Variants in PTP4A2 observed in about 807,000 individuals in gnomAD.
PTP4A2 encodes protein tyrosine phosphatase type IVA 2.
A neutral mutation model predicts 22.9 loss-of-function variants in PTP4A2; 2 were observed. The observed-to-expected ratio is 0.09, with a 90% confidence interval of 0.04 to 0.27. The LOEUF (loss-of-function observed/expected upper bound fraction) is 0.27. Ranked by LOEUF, PTP4A2 falls within the 10% of genes least tolerant of loss-of-function variation. The pLI, the probability that PTP4A2 is intolerant of heterozygous loss-of-function variation, is 1.00. For synonymous variants in PTP4A2, 68 were observed against 69.1 expected (o/e 0.98, Z 0.08); for missense variants, 103 against 205.1 (o/e 0.50, Z 3.04).
Position 31,908,158 on chromosome 1 carries a change from ATATATAT to A in PTP4A2, c.*687_*693del, listed in dbSNP as rs1651314410. 2.5e-4 allele frequency: 1 copy of A among 4,052 alleles called. No individual in the cohort carries two copies. The highest frequency in any genetic ancestry group is 1.2e-3 in the African/African-American group (1 of 822). The allele number at this position is 4,052 out of a possible 1,614,324, so 0.3% of individuals were successfully genotyped here. A position where few individuals can be genotyped will look rare whatever the true frequency, so the allele number is the denominator to read the frequency against. On this transcript the variant is annotated 3_prime_UTR_variant, in exon 6 of 6. Coordinates refer to ENST00000647444, the MANE Select transcript of PTP4A2 (RefSeq NM_080391.4). ...TATTATATTATATATATATATATAT[ATATATAT>A]ATATATATATATATATATATATATA...
rs1651294353 is a variant in PTP4A2, at chr1:31,908,135, TTATATTATATA to T, written c.*706_*716del. 0.016 allele frequency: 65 copies of T among 3,966 alleles called. 21 individuals are homozygous for T. The highest frequency in any genetic ancestry group is 0.024 in the Non-Finnish European group (59 of 2,434). The allele number at this position is 3,966 out of a possible 1,614,324, so 0.2% of individuals were successfully genotyped here. On this transcript the variant is annotated 3_prime_UTR_variant, in exon 6 of 6. Coordinates refer to ENST00000647444, the MANE Select transcript of PTP4A2 (RefSeq NM_080391.4). ...GAAAATATATATATATATATATATA[TTATATTATATA>T]TATATATATATATATATATATATAT... is the stretch of plus-strand genomic sequence containing the variant.
intron 3 of PTP4A2, among the ~76,000 whole-genome samples, chr1:31,912,726 A>AT (rs1651603964): frequency 6.6e-6 from 1 of 152,160 alleles, no homozygotes; most frequent in Non-Finnish European, 1.5e-5. Flanking sequence ...ACTGTTAGGA[A>AT]TTTTTTTAAA....
intron 1 of PTP4A2, among the ~76,000 whole-genome samples, chr1:31,927,410 T>C (rs1652515839): frequency 6.6e-6 from 1 of 152,110 alleles, no homozygotes; most frequent in Non-Finnish European, 1.5e-5. Context: ...GTACTATGCT[T>C]GCTAACTGGT....
At chr1:31,933,101 C>T (rs561141651) in intron 1 of PTP4A2, 1 of 152,280 alleles carries the variant, frequency 6.6e-6, no homozygotes, top group African/African-American at 2.4e-5. Context: ...TCCCAGGCTC[C>T]AGTGATCCTT....
In PTP4A2 at chr1:31,915,957, C is replaced by A; in HGVS notation, c.127G>T (p.Val43Phe). 1 of 1,604,228 alleles carries A rather than the reference C, an allele frequency of 6.2e-7. No individual in the cohort carries two copies. Among genetic ancestry groups the A allele is most frequent in the South Asian group, 1.1e-5 (1 of 89,648 alleles). ...TCATATGTAGCATCACAAACTCGAA[C>A]CAAAGTCGTCACTCCATACTTCTTA... ...ELKKYGVTTLVRVCDATYDKA... is the reference protein window; with the variant it reads ...ELKKYGVTTLFRVCDATYDKA... The change falls in exon 3 of 6, where the codon GTT becomes TTT. Residue 43 changes from valine to phenylalanine, a missense_variant. By Grantham distance (50) the Val-to-Phe change is conservative. Around this residue, in one of 3 missense-constraint regions of PTP4A2, gnomAD observed 66 missense variants for 113.0 expected, o/e 0.58. Transcript: ENST00000647444.
At chr1:31,916,933 T>A (rs924352196) in intron 2 of PTP4A2, among the ~76,000 whole-genome samples, 3 of 152,210 alleles carry the variant, frequency 2.0e-5, no homozygotes, top group African/African-American at 7.2e-5. Flanking sequence ...GAAATAAACA[T>A]GCTTTTTTTA....
At chr1:31,934,289 T>C (rs773057519) in intron 1 of PTP4A2, among the ~76,000 whole-genome samples, 4 of 152,148 alleles carry the variant, frequency 2.6e-5, no homozygotes, top group Non-Finnish European at 5.9e-5. Context: ...AAAAAGACTA[T>C]GGATCCTGAT....
rs1651289798 is a variant in PTP4A2, at chr1:31,908,133, TA to T, written c.*718del. 1 of 348 alleles carries T rather than the reference TA, an allele frequency of 2.9e-3. No homozygotes were observed. Among genetic ancestry groups the T allele is most frequent in the Non-Finnish European group, 5.5e-3 (1 of 182 alleles). The allele number at this position is 348 out of a possible 1,614,324, so 0.0% of individuals were successfully genotyped here. A position where few individuals can be genotyped will look rare whatever the true frequency, so the allele number is the denominator to read the frequency against. On this transcript the variant is annotated 3_prime_UTR_variant, in exon 6 of 6. Transcript: ENST00000647444. ...TGGAAAATATATATATATATATATA[TA>T]TTATATTATATATATATATATATAT...
intron 1 of PTP4A2, chr1:31,921,369 C>A (rs1432927062): frequency 6.6e-6 from 1 of 152,118 alleles, no homozygotes; most frequent in East Asian, 1.9e-4. Flanking sequence ...ATGTATAAAC[C>A]TCATCCTCTC....
At chr1:31,909,886 T>C in intron 5 of PTP4A2, 152 bp downstream of exon 5, 2 of 636,504 alleles carry the variant, frequency 3.1e-6, no homozygotes, top group Non-Finnish European at 5.4e-6. Flanking sequence ...TGAGTCTCTA[T>C]CACTTGCTCT....
chr1:31,923,118 C>T (rs1652270388), intron 1 of PTP4A2, among the ~76,000 whole-genome samples: 1 of 151,666 alleles, frequency 6.6e-6, no homozygotes, highest in African/African-American at 2.4e-5. Context: ...TCACCAAAGG[C>T]CAGGCTGGTC....
rs139979678 is a variant in PTP4A2, at chr1:31,930,294, T to C, written c.-594+7693A>G. On this transcript the variant is annotated intron_variant, in intron 1 of 5. Transcript: ENST00000647444. The stretch of plus-strand genomic sequence containing the variant: ...GGCGGAACCTGCAGTGAGCCGAGAT[T>C]GTGCCACTGCACTCCAACCTGGGCG... 5.1e-3 allele frequency among the ~76,000 whole-genome samples: 782 copies of C among 152,174 alleles called. 33 individuals are homozygous for C. In the East Asian group the frequency reaches 0.1, roughly 20 times the overall value.
At chr1:31,917,499 T>C (rs969004228) in intron 2 of PTP4A2, among the ~76,000 whole-genome samples, 1 of 152,204 alleles carries the variant, frequency 6.6e-6, no homozygotes, top group Non-Finnish European at 1.5e-5. Flanking sequence ...TAGCCATTCA[T>C]TGAAAAGTTG....
At chr1:31,936,285 G>C (rs1204347929) in intron 1 of PTP4A2, among the ~76,000 whole-genome samples, 1 of 151,800 alleles carries the variant, frequency 6.6e-6, no homozygotes, top group Non-Finnish European at 1.5e-5. Flanking sequence ...CTAAAAATAT[G>C]AAAATTAGCC....
intron 1 of PTP4A2, among the ~76,000 whole-genome samples, chr1:31,926,263 G>A (rs979118961): frequency 6.7e-6 from 1 of 149,196 alleles, no homozygotes; most frequent in Non-Finnish European, 1.5e-5. Flanking sequence ...CTCTAATTTG[G>A]TGAGCTACGC....
chr1:31,914,304 T>A, intron 3 of PTP4A2: 1 of 455,738 alleles, frequency 2.2e-6, no homozygotes, highest in Non-Finnish European at 4.4e-6. Context: ...TGGACTCAAG[T>A]GATCCACCTA....
intron 3 of PTP4A2, chr1:31,914,424 A>G: frequency 2.7e-6 from 1 of 370,376 alleles, no homozygotes; most frequent in South Asian, 2.0e-5. Context: ...ACCAAAATGG[A>G]CATGAGGAAA....
intron 1 of PTP4A2, among the ~76,000 whole-genome samples, chr1:31,927,687 T>C (rs1652531577): frequency 6.6e-6 from 1 of 152,126 alleles, no homozygotes; most frequent in Non-Finnish European, 1.5e-5. Flanking sequence ...AAGGGGTCAG[T>C]TTCAAGATAC....
At position 31,908,123 on chromosome 1, in the gene PTP4A2, T is replaced by A. The variant is rs1287243954; in HGVS notation, c.*729A>T. On this transcript the variant is annotated 3_prime_UTR_variant, in exon 6 of 6. Transcript: ENST00000647444. Reference sequence around the variant, plus strand: ...AAAAACCACCTGGAAAATATATATATATATATATATATTATATTATATATA... The same window carrying A: ...AAAAACCACCTGGAAAATATATATAAATATATATATATTATATTATATATA... The A allele has an allele frequency of 4.8e-3, 2 of 416 alleles. No individual in the cohort carries two copies. Among genetic ancestry groups the A allele is most frequent in the Non-Finnish European group, 8.9e-3 (2 of 224 alleles). 0.0% of individuals were successfully genotyped at this position (416 alleles called of 1,614,324 possible). A position where few individuals can be genotyped will look rare whatever the true frequency, so the allele number is the denominator to read the frequency against.
Sources: gnomAD v4.1 joint callset for allele counts (sites outside exome capture counted in the v4.1 genomes callset) on GRCh38, gnomAD v4.1.1 for gene constraint, gnomAD v4.1.1 regional missense constraint, MANE v1.5 for transcripts, NCBI Gene and HGNC (gene_info 2026-07-23, HGNC 2026-07-21) for gene names.